MARCHF1: variants seen among roughly 807,000 people sequenced by gnomAD.
The protein encoded by MARCHF1 is E3 ubiquitin-protein ligase MARCHF1.
MARCHF1 carries 40 observed loss-of-function variants against 54.2 expected under a neutral mutation model. The ratio of observed to expected loss-of-function variants is 0.74; its 90% CI spans 0.57 to 0.96. The LOEUF (loss-of-function observed/expected upper bound fraction) is 0.96. MARCHF1 is among the 40% of genes least tolerant of loss of function. The pLI, the probability that MARCHF1 is intolerant of heterozygous loss-of-function variation, is 0.00. For synonymous variants in MARCHF1, 236 were observed against 236.3 expected (o/e 1.00, Z 0.01); for missense variants, 586 against 656.5 (o/e 0.89, Z 1.17).
At chr4:163,716,526 T>C (rs773628288) in intron 4 of MARCHF1, among the ~76,000 whole-genome samples, 2 of 152,206 alleles carry the variant, frequency 1.3e-5, no homozygotes, top group Non-Finnish European at 2.9e-5. Context: ...CAAACAGGTA[T>C]AGAGAATTAA....
intron 2 of MARCHF1, among the ~76,000 whole-genome samples, chr4:164,032,502 T>C (rs1293904058): frequency 6.6e-6 from 1 of 152,180 alleles, no homozygotes; most frequent in East Asian, 1.9e-4. Context: ...AACACTGCTT[T>C]AGCTGTGTCT....
chr4:163,557,493 T>A (rs1439587796), intron 8 of MARCHF1, among the ~76,000 whole-genome samples: 1 of 152,134 alleles, frequency 6.6e-6, no homozygotes, highest in Non-Finnish European at 1.5e-5. Flanking sequence ...GGGTGTGTTT[T>A]TTTGTAATGA....
chr4:163,825,230 A>G (rs1480458757), intron 4 of MARCHF1, among the ~76,000 whole-genome samples: 2 of 152,018 alleles, frequency 1.3e-5, no homozygotes, highest in Non-Finnish European at 2.9e-5. Flanking sequence ...CACTTGAGAT[A>G]ACAGCCTCCA....
At chr4:163,704,955 T>C (rs1744908278) in intron 4 of MARCHF1, among the ~76,000 whole-genome samples, 1 of 151,540 alleles carries the variant, frequency 6.6e-6, no homozygotes. Context: ...TCAGAAATGA[T>C]ACATAATCAT....
chr4:163,535,848 C>A (rs972236530), intron 9 of MARCHF1, among the ~76,000 whole-genome samples: 10 of 150,868 alleles, frequency 6.6e-5, no homozygotes, highest in African/African-American at 2.2e-4. Context: ...ACCATAGGTT[C>A]ACCACTGGGG....
chr4:164,179,795 T>C (rs765195836), intron 1 of MARCHF1, among the ~76,000 whole-genome samples: 1 of 151,646 alleles, frequency 6.6e-6, no homozygotes, highest in Non-Finnish European at 1.5e-5. Context: ...TTGATTTGCA[T>C]AAAAACAATT....
At chr4:164,000,161 C>T (rs1404916515) in intron 2 of MARCHF1, among the ~76,000 whole-genome samples, 17 of 151,608 alleles carry the variant, frequency 1.1e-4, no homozygotes, top group Admixed American at 1.1e-3. Flanking sequence ...TTTTTGCTAT[C>T]ATAAGTTTCT....
chr4:164,101,783 GAGA>G (rs1389053370), intron 2 of MARCHF1, among the ~76,000 whole-genome samples: 3 of 149,364 alleles, frequency 2.0e-5, no homozygotes, highest in Non-Finnish European at 3.0e-5. Flanking sequence ...GACGAGCTGA[GAGA>G]AGAAGGCTTC....
intron 1 of MARCHF1, among the ~76,000 whole-genome samples, chr4:164,379,928 C>A (rs1265796688): frequency 1.3e-5 from 2 of 151,038 alleles, no homozygotes; most frequent in African/African-American, 4.9e-5. Context: ...ACCTGGGTGA[C>A]AGAGTGAGGC....
In MARCHF1 at chr4:164,081,524, A is replaced by C. The variant is rs1402468671; in HGVS notation, c.-248+30064T>G. Among the ~76,000 whole-genome samples, 7 of 152,170 alleles carry C rather than the reference A, an allele frequency of 4.6e-5. No individual in the cohort carries two copies. In the South Asian group the frequency reaches 1.4e-3, roughly 31 times the overall value. ...CCAGTAAAGAAGAGGACATTCTCCG[A>C]AGCCTGGGAACTCCTGGGGAGAGAG... On this transcript the variant is annotated intron_variant, in intron 2 of 9. Coordinates refer to ENST00000514618, the MANE Select transcript of MARCHF1 (RefSeq NM_001394959.1).
At chr4:163,779,340 C>A (rs1005447906) in intron 4 of MARCHF1, among the ~76,000 whole-genome samples, 9 of 152,088 alleles carry the variant, frequency 5.9e-5, no homozygotes, top group Admixed American at 5.9e-4. Context: ...GGAGAAGAGG[C>A]ATGGAAAAGC....
At chr4:163,794,584 G>T (rs905974349) in intron 4 of MARCHF1, among the ~76,000 whole-genome samples, 9 of 152,088 alleles carry the variant, frequency 5.9e-5, no homozygotes, top group African/African-American at 2.2e-4. Flanking sequence ...TGAAATTGAT[G>T]GTGGGGGGTC....
intron 1 of MARCHF1, among the ~76,000 whole-genome samples, chr4:164,153,267 T>C (rs9654244): frequency 9.0e-4 from 137 of 152,274 alleles, no homozygotes; most frequent in African/African-American, 2.9e-3. Flanking sequence ...TTTACAATTC[T>C]GTTAATTTTT....
At chr4:163,981,146 T>C (rs928697503) in intron 3 of MARCHF1, among the ~76,000 whole-genome samples, 2 of 152,062 alleles carry the variant, frequency 1.3e-5, no homozygotes, top group African/African-American at 4.8e-5. Flanking sequence ...GGTGCCAGAA[T>C]TGTTTTTTTT....
chr4:164,096,395 A>G (rs892897960), intron 2 of MARCHF1, among the ~76,000 whole-genome samples: 1 of 152,106 alleles, frequency 6.6e-6, no homozygotes, highest in African/African-American at 2.4e-5. Flanking sequence ...ATTGGGAACA[A>G]TAGACACTGG....
intron 3 of MARCHF1, among the ~76,000 whole-genome samples, chr4:163,893,649 T>G (rs1750713287): frequency 6.6e-6 from 1 of 152,208 alleles, no homozygotes; most frequent in Non-Finnish European, 1.5e-5. Context: ...AGATAATTAC[T>G]ATTGCTGAAA....
chr4:164,073,459 A>G lies in MARCHF1; in HGVS notation c.-248+38129T>C, dbSNP rs1579511582. ...AGAGGTGAACAAAGAGAACATATGG[A>G]CACACGGAGGGGAACATCACACAGT... On this transcript the variant is annotated intron_variant, in intron 2 of 9. Coordinates refer to ENST00000514618, the MANE Select transcript of MARCHF1 (RefSeq NM_001394959.1). Among the ~76,000 whole-genome samples the G allele has an allele frequency of 3.3e-5, 5 of 152,190 alleles. No homozygotes were observed. In the South Asian group the frequency reaches 8.3e-4, roughly 25 times the overall value.
intron 4 of MARCHF1, among the ~76,000 whole-genome samples, chr4:163,820,399 A>G (rs2111050308): frequency 6.6e-6 from 1 of 152,072 alleles, no homozygotes; most frequent in East Asian, 1.9e-4. Flanking sequence ...TGGCCATTCA[A>G]ATTTGAAATT....
At chr4:163,651,210 G>C (rs72991569) in intron 5 of MARCHF1, among the ~76,000 whole-genome samples, 6 of 151,846 alleles carry the variant, frequency 4.0e-5, no homozygotes, top group African/African-American at 1.2e-4. Flanking sequence ...GGAGTTCATT[G>C]TTATGTTTTT....
Sources: gnomAD v4.1 joint callset for allele counts (sites outside exome capture counted in the v4.1 genomes callset) on GRCh38, gnomAD v4.1.1 for gene constraint, MANE v1.5 for transcripts, NCBI Gene and HGNC (gene_info 2026-07-23, HGNC 2026-07-21) for gene names.